Variants in SLC5A12 observed in about 807,000 individuals in gnomAD.
The protein encoded by SLC5A12 is sodium-coupled monocarboxylate transporter 2.
A neutral mutation model predicts 72.7 loss-of-function variants in SLC5A12; 46 were observed. The ratio of observed to expected loss-of-function variants is 0.63; its 90% CI spans 0.50 to 0.81. The LOEUF (loss-of-function observed/expected upper bound fraction) is 0.81. Among genes scored for constraint, SLC5A12 ranks in the 30% least tolerant of loss-of-function variants. SLC5A12 has a pLI of 0.00. For synonymous variants in SLC5A12, 275 were observed against 264.4 expected (o/e 1.04, Z -0.39); for missense variants, 683 against 740.7 (o/e 0.92, Z 0.90).
chr11:26,713,204 A>C (rs1473036050), intron 1 of SLC5A12, among the ~76,000 whole-genome samples: 1 of 152,072 alleles, frequency 6.6e-6, no homozygotes, highest in African/African-American at 2.4e-5. Flanking sequence ...CAAATTCTTC[A>C]ACAATTCTCT....
At chr11:26,717,050 G>A (rs1185896308) in intron 1 of SLC5A12, among the ~76,000 whole-genome samples, 7 of 152,078 alleles carry the variant, frequency 4.6e-5, no homozygotes, top group South Asian at 2.1e-4. Context: ...ATATAGCACC[G>A]TTCACTCTGC....
At chr11:26,674,693 A>C (rs1321342484) in intron 13 of SLC5A12, among the ~76,000 whole-genome samples, 1 of 152,126 alleles carries the variant, frequency 6.6e-6, no homozygotes, top group Non-Finnish European at 1.5e-5. Flanking sequence ...GTTAGCCACT[A>C]TGCCTGGCCC....
upstream of SLC5A12, chr11:26,722,155 A>G (rs978214962): frequency 6.3e-6 from 1 of 157,996 alleles, no homozygotes; most frequent in Non-Finnish European, 1.4e-5. Flanking sequence ...ACAATTTACC[A>G]CCTCAGCATT....
intron 14 of SLC5A12, among the ~76,000 whole-genome samples, chr11:26,672,145 T>C (rs972859066): frequency 6.6e-6 from 1 of 152,144 alleles, no homozygotes; most frequent in Non-Finnish European, 1.5e-5. Flanking sequence ...TATACATGTC[T>C]GCACCTAACT....
At chr11:26,676,061 T>C in intron 13 of SLC5A12, among the ~76,000 whole-genome samples, 1 of 151,778 alleles carries the variant, frequency 6.6e-6, no homozygotes, top group Admixed American at 6.6e-5. Flanking sequence ...GAATCAGAAA[T>C]TAGAATGGTA....
intron 10 of SLC5A12, among the ~76,000 whole-genome samples, chr11:26,686,212 T>C (rs906857371): frequency 1.3e-5 from 2 of 152,218 alleles, no homozygotes; most frequent in African/African-American, 2.4e-5. Context: ...TATCTCACTA[T>C]CCCATTACTA....
intron 1 of SLC5A12, among the ~76,000 whole-genome samples, chr11:26,714,669 A>G (rs2133218397): frequency 6.6e-6 from 1 of 152,286 alleles, no homozygotes; most frequent in African/African-American, 2.4e-5. Context: ...TCTGAATTAA[A>G]AAAATCATTT....
At chr11:26,690,202 A>T (rs1334325662) in intron 9 of SLC5A12, among the ~76,000 whole-genome samples, 2 of 152,168 alleles carry the variant, frequency 1.3e-5, no homozygotes, top group Non-Finnish European at 2.9e-5. Context: ...CCATGCAGTA[A>T]ACTTTAAAGT....
At chr11:26,689,783 A>G (rs562923062) in intron 9 of SLC5A12, among the ~76,000 whole-genome samples, 1 of 152,234 alleles carries the variant, frequency 6.6e-6, no homozygotes, top group African/African-American at 2.4e-5. Flanking sequence ...AAATGTATCA[A>G]AAATATGATG....
chr11:26,713,909 C>T (rs1228379432), intron 1 of SLC5A12, among the ~76,000 whole-genome samples: 1 of 152,108 alleles, frequency 6.6e-6, no homozygotes, highest in Admixed American at 6.6e-5. Flanking sequence ...CAGTCCTTAG[C>T]TTCTGGTTCC....
At position 26,721,493 on chromosome 11, in the gene SLC5A12, G is replaced by T. The variant is rs767310526; in HGVS notation, c.222C>A (p.Val74=). The T allele has an allele frequency of 1.2e-6, 2 of 1,614,046 alleles. No individual in the cohort carries two copies. Residue 74 remains valine, a synonymous_variant, in exon 1 of 15, where the codon GTC becomes GTA. Transcript: ENST00000396005. ...AVTVLGTPSE[V]YRFGASFLVF... is the part of the protein sequence containing the mutation. ...CTAGGAAGGATGCCCCAAAGCGGTA[G>T]ACTTCAGAAGGGGTCCCCAGGACCG...
Position 26,698,450 on chromosome 11 carries a change from CTTT to C in SLC5A12, c.904_906del (p.Lys302del). ...ATGCCAGAAGTCCAAGGGTCACAGT[CTTT>C]AAAGTGAGAGTACATGATTAAGCCA... On this transcript the variant is annotated inframe_deletion, in exon 7 of 15. Coordinates refer to ENST00000396005, the MANE Select transcript of SLC5A12 (RefSeq NM_178498.4). 1 of 1,613,998 alleles carries C rather than the reference CTTT, an allele frequency of 6.2e-7. No individual in the cohort carries two copies. The highest frequency in any genetic ancestry group is 8.5e-7 in the Non-Finnish European group (1 of 1,179,970).
chr11:26,679,080 A>C (rs115760269), intron 12 of SLC5A12, among the ~76,000 whole-genome samples: 1,883 of 152,248 alleles, frequency 0.012, 44 homozygotes, highest in African/African-American at 0.043. Context: ...ATACAATTTC[A>C]TTTGTATTAT....
chr11:26,706,110 C>T (rs1855083986), intron 4 of SLC5A12, among the ~76,000 whole-genome samples: 1 of 152,122 alleles, frequency 6.6e-6, no homozygotes, highest in African/African-American at 2.4e-5. Flanking sequence ...TCTCTTTTCT[C>T]TTTCACTGGT....
At chr11:26,700,399 C>T (rs189952565) in intron 6 of SLC5A12, among the ~76,000 whole-genome samples, 1 of 152,262 alleles carries the variant, frequency 6.6e-6, no homozygotes, top group East Asian at 1.9e-4. Context: ...TTGGGCAACT[C>T]TCTGTACCAG....
chr11:26,721,834 GA>G lies in SLC5A12; in HGVS notation c.-121del. The G allele has an allele frequency of 2.3e-6, 2 of 856,090 alleles. No individual in the cohort carries two copies. Among genetic ancestry groups the G allele is most frequent in the African/African-American group, 1.7e-5 (1 of 59,032 alleles). 53.0% of individuals were successfully genotyped at this position (856,090 alleles called of 1,614,324 possible). On this transcript the variant is annotated 5_prime_UTR_variant, in exon 1 of 15. Coordinates refer to ENST00000396005, the MANE Select transcript of SLC5A12 (RefSeq NM_178498.4). ...AGAGGAGAGACTGTGATTCCCTGAAGAAAATGATTACCAGAGGCACTCGTGT... is the reference window on the plus strand; with the variant it reads ...AGAGGAGAGACTGTGATTCCCTGAAGAAATGATTACCAGAGGCACTCGTGT...
chr11:26,697,318 G>A, intron 7 of SLC5A12, 66 bp from the exon 8 acceptor site: 11 of 1,424,482 alleles, frequency 7.7e-6, no homozygotes, highest in Admixed American at 6.1e-5. Context: ...AAAGAGAAGA[G>A]AGAGAAAAAA....
At chr11:26,711,467 A>G in intron 2 of SLC5A12, 109 bp from the exon 3 acceptor site, 2 of 827,962 alleles carry the variant, frequency 2.4e-6, no homozygotes, top group Non-Finnish European at 4.1e-6. Flanking sequence ...CAACTTGTTC[A>G]TGAAACATTG....
At position 26,692,369 on chromosome 11, in the gene SLC5A12, C is replaced by T. The variant is rs117328595; in HGVS notation, c.1153+120G>A. The T allele has an allele frequency of 4.1e-3, 2,824 of 685,116 alleles. 111 individuals are homozygous for T. In the East Asian group the frequency reaches 0.067, roughly 16 times the overall value. 42.4% of individuals were successfully genotyped at this position (685,116 alleles called of 1,614,324 possible). A position where few individuals can be genotyped will look rare whatever the true frequency, so the allele number is the denominator to read the frequency against. ...GTAAGAATCTATGTGTGGGATTCTT[C>T]ACATATCTCACAGTGCATTTGTGTT... On this transcript the variant is annotated intron_variant, in intron 9 of 14. Coordinates refer to ENST00000396005, the MANE Select transcript of SLC5A12 (RefSeq NM_178498.4).
Sources: gnomAD v4.1 joint callset for allele counts (sites outside exome capture counted in the v4.1 genomes callset) on GRCh38, gnomAD v4.1.1 for gene constraint, MANE v1.5 for transcripts, NCBI Gene and HGNC (gene_info 2026-07-23, HGNC 2026-07-21) for gene names.